Variants in CENPP observed in about 807,000 individuals in gnomAD.
CENPP encodes centromere protein P.
In CENPP, 24 loss-of-function variants were observed where a neutral mutation model predicts 35.6. The ratio of observed to expected loss-of-function variants is 0.67; its 90% confidence interval spans 0.49 to 0.95. The LOEUF (loss-of-function observed/expected upper bound fraction) is 0.95, where lower values mean the gene tolerates loss of function less well. Among genes scored for constraint, CENPP ranks in the 40% least tolerant of loss-of-function variants. The probability of loss-of-function intolerance (pLI) is 0.00; values close to 1 mark genes in which losing one functional copy is unlikely to be tolerated. For synonymous variants in CENPP, 120 were observed against 125.5 expected (o/e 0.96, Z 0.29); for missense variants, 332 against 345.3 (o/e 0.96, Z 0.31).
intron 5 of CENPP, among the ~76,000 whole-genome samples, chr9:92,518,293 C>G (rs537055489): frequency 9.9e-5 from 15 of 152,136 alleles, no homozygotes; most frequent in Admixed American, 6.5e-5. Context: ...CTGATCACTG[C>G]GGTAGTGGAA....
At chr9:92,517,649 A>G (rs1445867579) in intron 5 of CENPP, 2 of 1,611,792 alleles carry the variant, frequency 1.2e-6, no homozygotes, top group Admixed American at 3.3e-5. Flanking sequence ...TTAAAGATTA[A>G]TCACACACTG....
chr9:92,437,410 T>C (rs75813574), intron 5 of CENPP, among the ~76,000 whole-genome samples: 1 of 148,208 alleles, frequency 6.7e-6, no homozygotes, highest in Admixed American at 6.7e-5. Flanking sequence ...TCTTTTTTTT[T>C]GTTTTGTTTT....
chr9:92,358,607 A>G (rs1251557934), intron 4 of CENPP, among the ~76,000 whole-genome samples: 4 of 151,964 alleles, frequency 2.6e-5, no homozygotes, highest in Non-Finnish European at 2.9e-5. Flanking sequence ...AGACTTGACA[A>G]TTTCTATTGT....
rs185870267 is a variant in CENPP, at chr9:92,464,014, G to A, written c.564+84155G>A. On this transcript the variant is annotated intron_variant, in intron 5 of 7. Transcript: ENST00000375587. The stretch of plus-strand genomic sequence containing the variant: ...TTCTGGATCAGGTGAGTAGATTAGA[G>A]GGGGTCGTGATGAAGTTGCTGCTTT... Among the ~76,000 whole-genome samples the A allele has an allele frequency of 6.6e-5, 10 of 152,290 alleles. No individual in the cohort carries two copies. The East Asian group carries it at 1.5e-3, about 24-fold the overall frequency.
intron 5 of CENPP, among the ~76,000 whole-genome samples, chr9:92,449,480 A>T (rs936657070): frequency 7.8e-6 from 1 of 128,504 alleles, no homozygotes; most frequent in Non-Finnish European, 1.7e-5. Flanking sequence ...AAAAAAAAAT[A>T]CCAGATATAA....
chr9:92,459,716 G>A (rs1845025440), intron 5 of CENPP: 1 of 1,613,194 alleles, frequency 6.2e-7, no homozygotes, highest in Non-Finnish European at 8.5e-7. Flanking sequence ...CACGTGGTAT[G>A]TTAGCAAGAC....
intron 5 of CENPP, among the ~76,000 whole-genome samples, chr9:92,533,173 G>T (rs192588294): frequency 6.7e-6 from 1 of 150,006 alleles, no homozygotes. Flanking sequence ...GGTGGCACGC[G>T]CGTGTAGTCC....
At chr9:92,539,335 C>T (rs1849262419) in intron 5 of CENPP, among the ~76,000 whole-genome samples, 1 of 150,258 alleles carries the variant, frequency 6.7e-6, no homozygotes, top group Admixed American at 6.6e-5. Context: ...TTTCTCCCGC[C>T]TTCCCCCGCT....
intron 5 of CENPP, chr9:92,470,829 T>C (rs1465776882): frequency 9.2e-7 from 1 of 1,088,072 alleles, no homozygotes; most frequent in East Asian, 2.6e-5. Flanking sequence ...ATGCTGAAGA[T>C]GAGATTACTA....
intron 5 of CENPP, among the ~76,000 whole-genome samples, chr9:92,427,409 C>T (rs982973401): frequency 7.9e-5 from 12 of 152,248 alleles, no homozygotes; most frequent in African/African-American, 2.6e-4. Flanking sequence ...GTGATCCGCC[C>T]GCCTCAGCCT....
At position 92,616,222 on chromosome 9, in the gene CENPP, T is replaced by C. The variant is rs115375042; in HGVS notation, c.*3073T>C. On this transcript the variant is annotated 3_prime_UTR_variant, in exon 8 of 8. Coordinates refer to ENST00000375587, the MANE Select transcript of CENPP (RefSeq NM_001012267.3). ...TCTTTTAAAAGAGAAGTGAATGGCC[T>C]CACACCCCAGCTCACAAAGAGCACT... is the stretch of plus-strand genomic sequence containing the variant. 2,089 of 577,470 alleles carry C rather than the reference T, an allele frequency of 3.6e-3. 23 individuals are homozygous for C. The highest frequency in any genetic ancestry group is 0.024 in the African/African-American group (1,272 of 53,446). The allele number at this position is 577,470 out of a possible 1,614,324, so 35.8% of individuals were successfully genotyped here. A position where few individuals can be genotyped will look rare whatever the true frequency, so the allele number is the denominator to read the frequency against.
At position 92,514,656 on chromosome 9, in the gene CENPP, T is replaced by C. The variant is rs755206191; in HGVS notation, c.565-96658T>C. 3.1e-6 allele frequency: 5 copies of C among 1,594,968 alleles called. 1 individual carries two copies. The South Asian group carries it at 4.5e-5, about 14-fold the overall frequency. The stretch of plus-strand genomic sequence containing the variant: ...CAGTGAGCTCCAGACTTGTTATCTG[T>C]GGTGCTGTCAGCGGTGGTATCTGGG... On this transcript the variant is annotated intron_variant, in intron 5 of 7. Transcript: ENST00000375587.
At position 92,505,635 on chromosome 9, in the gene CENPP, A is replaced by G. The variant is rs369126996; in HGVS notation, c.565-105679A>G. ...AAGGTTTGAAAGCTAAAGGATTGAC[A>G]TTGGCTTCACTGAGATTGTTTCCTT... On this transcript the variant is annotated intron_variant, in intron 5 of 7. Transcript: ENST00000375587. 4 of 1,609,134 alleles carry G rather than the reference A, an allele frequency of 2.5e-6. No homozygotes were observed. The African/African-American group carries it at 5.4e-5, about 22-fold the overall frequency.
intron 1 of CENPP, among the ~76,000 whole-genome samples, chr9:92,329,275 C>G (rs573385577): frequency 6.6e-6 from 1 of 151,500 alleles, no homozygotes; most frequent in Non-Finnish European, 1.5e-5. Flanking sequence ...ACCTCCGCCC[C>G]CTGGGTTCAA....
At chr9:92,434,194 G>T (rs1259669477) in intron 5 of CENPP, among the ~76,000 whole-genome samples, 3 of 152,044 alleles carry the variant, frequency 2.0e-5, no homozygotes, top group Admixed American at 6.6e-5. Flanking sequence ...TTCCAGACCA[G>T]CCTGGCCAAT....
In CENPP at chr9:92,552,030, CAT is replaced by C. The variant is rs1161603998; in HGVS notation, c.565-59279_565-59278del. 9.0e-5 allele frequency among the ~76,000 whole-genome samples: 8 copies of C among 88,988 alleles called. 1 individual carries two copies. The highest frequency in any genetic ancestry group is 2.2e-4 in the East Asian group (1 of 4,452). The allele number at this position is 88,988 out of a possible 152,430, so 58.4% of individuals were successfully genotyped here. ...TATATATATGATATGATAGATCTATCATATATGTGATATTATAGGTCTATCAT... is the reference window on the plus strand; with the variant it reads ...TATATATATGATATGATAGATCTATCATATGTGATATTATAGGTCTATCAT... On this transcript the variant is annotated intron_variant, in intron 5 of 7. Transcript: ENST00000375587.
chr9:92,560,351 C>G (rs1407876649), intron 5 of CENPP, among the ~76,000 whole-genome samples: 1 of 152,152 alleles, frequency 6.6e-6, no homozygotes, highest in African/African-American at 2.4e-5. Context: ...TCACGAATCC[C>G]TTGGTGTTGC....
chr9:92,415,697 T>C (rs1296495983), intron 5 of CENPP, among the ~76,000 whole-genome samples: 2 of 150,102 alleles, frequency 1.3e-5, no homozygotes, highest in East Asian at 3.9e-4. Context: ...TTGGCTTTTC[T>C]GATTAATAAA....
At chr9:92,600,842 G>A (rs1419409210) in intron 5 of CENPP, among the ~76,000 whole-genome samples, 1 of 152,196 alleles carries the variant, frequency 6.6e-6, no homozygotes, top group Non-Finnish European at 1.5e-5. Context: ...GCTGTTCCCA[G>A]TTATTTTTGT....
Sources: gnomAD v4.1 joint callset for allele counts (sites outside exome capture counted in the v4.1 genomes callset) on GRCh38, gnomAD v4.1.1 for gene constraint, MANE v1.5 for transcripts, NCBI Gene and HGNC (gene_info 2026-07-23, HGNC 2026-07-21) for gene names.